RGS21: variants seen among roughly 807,000 people sequenced by gnomAD.
The protein encoded by RGS21 is regulator of G protein signaling 21.
Under a neutral mutation model 18.7 loss-of-function variants are expected in RGS21, and 19 were observed. The ratio of observed to expected loss-of-function variants is 1.01; its 90% CI spans 0.71 to 1.49. The LOEUF (loss-of-function observed/expected upper bound fraction) is 1.49, where lower values mean the gene tolerates loss of function less well. Among genes scored for constraint, RGS21 ranks in the 40% most tolerant of loss-of-function variants. The pLI is 0.00. For missense variants in RGS21, 194 were observed against 176.8 expected (o/e 1.10, Z -0.55); for synonymous variants, 56 against 57.8 (o/e 0.97, Z 0.14).
At chr1:192,341,339 GTTGTATACTTAGC>G (rs1266085407) in intron 1 of RGS21, among the ~76,000 whole-genome samples, 1 of 151,984 alleles carries the variant, frequency 6.6e-6, no homozygotes, top group Non-Finnish European at 1.5e-5. Context: ...TTCAGGGAGG[GTTGTATACTTAGC>G]TTATTACACT....
rs1392431706 is a variant in RGS21 at position 192,351,786 on chromosome 1, ACACATATATAG to A, written c.89-252_89-242del. ...ATATATAACATATATAATATATATAACACATATATAGCACATATAACATATATGTGCTATAT... is the reference window on the plus strand; with the variant it reads ...ATATATAACATATATAATATATATAACACATATAACATATATGTGCTATAT... On this transcript the variant is annotated intron_variant, in intron 3 of 4. Transcript: ENST00000417209. 2.7e-5 allele frequency among the ~76,000 whole-genome samples: 4 copies of A among 147,450 alleles called. No individual in the cohort carries two copies. In the East Asian group the frequency reaches 7.8e-4, roughly 29 times the overall value.
chr1:192,354,497 G>A (rs1414488778), intron 4 of RGS21, among the ~76,000 whole-genome samples: 8 of 151,664 alleles, frequency 5.3e-5, no homozygotes, highest in African/African-American at 1.9e-4. Flanking sequence ...TGGGGATGAG[G>A]TTGGATAGGT....
Position 192,343,056 on chromosome 1 carries a change from C to A in RGS21, c.11+9C>A. ...CGAAAAATGCCAGTGAAGTGAGTTG[C>A]CGTTTCCAGCTATTTTTATCTCAGA... On this transcript the variant is annotated intron_variant, in intron 2 of 4. Coordinates refer to ENST00000417209, the MANE Select transcript of RGS21 (RefSeq NM_001039152.3). The A allele has an allele frequency of 6.2e-7, 1 of 1,611,972 alleles. No homozygotes were observed.
In RGS21 at chr1:192,367,284, A is replaced by G. The variant is rs1474713522; in HGVS notation, c.*1160A>G. The G allele has an allele frequency of 6.6e-6, 1 of 152,080 alleles. No individual in the cohort carries two copies. The highest frequency in any genetic ancestry group is 1.5e-5 in the Non-Finnish European group (1 of 67,974). The allele number at this position is 152,080 out of a possible 1,614,324, so 9.4% of individuals were successfully genotyped here. Reference sequence around the variant, plus strand: ...AGAAATAAACATTTAAACATATTCAAATGGAATATTCCCTGTACATTTGCA... The same window carrying G: ...AGAAATAAACATTTAAACATATTCAGATGGAATATTCCCTGTACATTTGCA... On this transcript the variant is annotated 3_prime_UTR_variant, in exon 5 of 5. Coordinates refer to ENST00000417209, the MANE Select transcript of RGS21 (RefSeq NM_001039152.3).
chr1:192,347,787 G>A (rs796488305), intron 3 of RGS21, among the ~76,000 whole-genome samples: 39 of 152,138 alleles, frequency 2.6e-4, no homozygotes, highest in African/African-American at 9.4e-4. Context: ...AGCCTCCTGA[G>A]TAGCTGAGAT....
chr1:192,351,996 A>G (rs756464553), intron 3 of RGS21, 51 bp from the exon 4 acceptor site: 79 of 1,116,990 alleles, frequency 7.1e-5, no homozygotes, highest in East Asian at 1.2e-4. Context: ...TTTTGGTCAT[A>G]TTACTACTCT....
chr1:192,342,677 A>G (rs1408239180), intron 1 of RGS21, among the ~76,000 whole-genome samples: 1 of 151,732 alleles, frequency 6.6e-6, no homozygotes, highest in Non-Finnish European at 1.5e-5. Flanking sequence ...TAATATGTAT[A>G]TCATTATATA....
intron 1 of RGS21, among the ~76,000 whole-genome samples, chr1:192,331,617 A>G (rs1353591770): frequency 6.6e-6 from 1 of 151,696 alleles, no homozygotes; most frequent in African/African-American, 2.4e-5. Flanking sequence ...ACTTTAAAAC[A>G]TATTATTCAA....
intron 4 of RGS21, among the ~76,000 whole-genome samples, chr1:192,360,524 T>C (rs894575067): frequency 6.6e-6 from 1 of 152,132 alleles, no homozygotes; most frequent in African/African-American, 2.4e-5. Flanking sequence ...ATTGTCCTCC[T>C]GATCTCCTGG....
Position 192,343,051 on chromosome 1 carries a change from A to T in RGS21, c.11+4A>T, listed in dbSNP as rs766292836. On this transcript the variant is annotated splice_donor_region_variant and intron_variant, in intron 2 of 4. Transcript: ENST00000417209. ...TGGAACGAAAAATGCCAGTGAAGTG[A>T]GTTGCCGTTTCCAGCTATTTTTATC... is the stretch of plus-strand genomic sequence containing the variant. 4 of 1,612,606 alleles carry T rather than the reference A, an allele frequency of 2.5e-6. 1 individual carries two copies. In the South Asian group the frequency reaches 4.4e-5, roughly 18 times the overall value.
At position 192,332,952 on chromosome 1, in the gene RGS21, A is replaced by T. The variant is rs947980726; in HGVS notation, c.-60-10025A>T. Among the ~76,000 whole-genome samples, 5 of 148,370 alleles carry T rather than the reference A, an allele frequency of 3.4e-5. No individual in the cohort carries two copies. In the East Asian group the frequency reaches 7.7e-4, roughly 23 times the overall value. On this transcript the variant is annotated intron_variant, in intron 1 of 4. Transcript: ENST00000417209. Reference sequence around the variant, plus strand: ...AAGTCTCAAAAAAATTTTTTTAAATAAAAAAAAACCTCAACTGTTAAAAAA... The same window carrying T: ...AAGTCTCAAAAAAATTTTTTTAAATTAAAAAAAACCTCAACTGTTAAAAAA...
At chr1:192,352,604 A>G (rs756595317) in intron 4 of RGS21, among the ~76,000 whole-genome samples, 22 of 152,100 alleles carry the variant, frequency 1.4e-4, no homozygotes, top group Non-Finnish European at 2.9e-4. Context: ...CAATATGGAT[A>G]GCATTCTTGA....
chr1:192,363,874 T>A (rs1659220245), intron 4 of RGS21, among the ~76,000 whole-genome samples: 1 of 152,174 alleles, frequency 6.6e-6, no homozygotes, highest in East Asian at 1.9e-4. Context: ...CCCAGATTCT[T>A]AGAGCACCAT....
At chr1:192,317,826 TCTTATTAA>T (rs1370621641) in intron 1 of RGS21, among the ~76,000 whole-genome samples, 1 of 151,966 alleles carries the variant, frequency 6.6e-6, no homozygotes, top group Non-Finnish European at 1.5e-5. Flanking sequence ...CTAAGTAAAG[TCTTATTAA>T]CTTATAACTT....
intron 1 of RGS21, among the ~76,000 whole-genome samples, chr1:192,318,468 A>G (rs1295524474): frequency 1.3e-5 from 2 of 152,128 alleles, no homozygotes; most frequent in Non-Finnish European, 2.9e-5. Flanking sequence ...AAAATCTGCC[A>G]GAAGTTTTAC....
At chr1:192,351,546 T>C (rs1321311312) in intron 3 of RGS21, among the ~76,000 whole-genome samples, 1 of 151,666 alleles carries the variant, frequency 6.6e-6, no homozygotes, top group Non-Finnish European at 1.5e-5. Context: ...TCCTGTGAAG[T>C]AACTACCATC....
chr1:192,340,654 C>T (rs1658844459), intron 1 of RGS21, among the ~76,000 whole-genome samples: 3 of 152,000 alleles, frequency 2.0e-5, no homozygotes, highest in Admixed American at 2.0e-4. Flanking sequence ...TGTTCTCATG[C>T]TGCTTATAAA....
At chr1:192,329,653 A>T (rs12062691) in intron 1 of RGS21, among the ~76,000 whole-genome samples, 180 of 152,234 alleles carry the variant, frequency 1.2e-3, no homozygotes, top group African/African-American at 4.1e-3. Context: ...TTCTCAAATG[A>T]GGTGTGTCAT....
At chr1:192,321,730 T>C (rs535484353) in intron 1 of RGS21, among the ~76,000 whole-genome samples, 1 of 152,174 alleles carries the variant, frequency 6.6e-6, no homozygotes, top group South Asian at 2.1e-4. Flanking sequence ...TATTTTCTCA[T>C]GAATCTGACA....
Sources: gnomAD v4.1 joint callset for allele counts (sites outside exome capture counted in the v4.1 genomes callset) on GRCh38, gnomAD v4.1.1 for gene constraint, MANE v1.5 for transcripts, NCBI Gene and HGNC (gene_info 2026-07-23, HGNC 2026-07-21) for gene names.